EIF4G1: variants seen among roughly 807,000 people sequenced by gnomAD.
EIF4G1 encodes EIF4-gamma.
In EIF4G1, 4 loss-of-function variants were observed where a neutral mutation model predicts 187.8. That is an observed-to-expected ratio of 0.02 (90% CI 0.01 to 0.05). The LOEUF is 0.05. Among genes scored for constraint, EIF4G1 ranks in the 10% least tolerant of loss-of-function variants. EIF4G1 has a pLI of 1.00. For synonymous variants in EIF4G1, 844 were observed against 781.4 expected (o/e 1.08, Z -1.34); for missense variants, 1,647 against 2,081.1 (o/e 0.79, Z 4.06).
At position 184,325,834 on chromosome 3, in the gene EIF4G1, C is replaced by T. The variant is rs777798559; in HGVS notation, c.3122-17C>T. On this transcript the variant is annotated splice_polypyrimidine_tract_variant and intron_variant, in intron 20 of 32. Coordinates refer to ENST00000346169, the MANE Select transcript of EIF4G1 (RefSeq NM_198241.3). This position sits in a 1 kb window ranked among gnomAD's most constrained non-coding sequence, Gnocchi z 5.2. ...GGATTTATTCATTATTCCAGTATGC[C>T]CCTCTTTTTGTGTCAGGCCGTGGAC... 2.5e-6 allele frequency: 4 copies of T among 1,613,828 alleles called. No individual in the cohort carries two copies. Among genetic ancestry groups the T allele is most frequent in the African/African-American group, 1.3e-5 (1 of 74,846 alleles).
At position 184,321,726 on chromosome 3, in the gene EIF4G1, C is replaced by T. The variant is rs142095694; in HGVS notation, c.1142C>T (p.Ala381Val). Residue 381 changes from alanine (A) to valine (V), a missense_variant, in exon 10 of 33, where the codon GCT becomes GTT. By Grantham distance (64) the Ala-to-Val change is moderately conservative. Coordinates refer to ENST00000346169, the MANE Select transcript of EIF4G1 (RefSeq NM_198241.3). ...EPEVESSPEL[A>V]PPPACPSESP... ...GAGGTGGAGTCAAGCCCAGAGCTTG[C>T]TCCTCCCCCAGCTTGCCCCTCCGAA... 2 of 1,595,130 alleles carry T rather than the reference C, an allele frequency of 1.3e-6. No homozygotes were observed. Among genetic ancestry groups the T allele is most frequent in the Non-Finnish European group, 1.7e-6 (2 of 1,168,336 alleles).
rs761629753 is a variant in EIF4G1 at position 184,322,372 on chromosome 3, T to G, written c.1530T>G (p.Ser510=). ...TTTATTTTTAATTAGTGGCAGTATC[T>G]GTGCCAAAGAGGAGACGGAAAATTA... The part of the protein sequence containing the change: ...EAAAATQVAV[S]VPKRRRKIKE... Residue 510 remains serine (S), a synonymous_variant, in exon 11 of 33, where the codon TCT becomes TCG. Coordinates refer to ENST00000346169, the MANE Select transcript of EIF4G1 (RefSeq NM_198241.3). 6.2e-7 allele frequency: 1 copy of G among 1,614,064 alleles called. No individual in the cohort carries two copies. Among genetic ancestry groups the G allele is most frequent in the South Asian group, 1.1e-5 (1 of 91,072 alleles).
Position 184,323,768 on chromosome 3 carries a change from T to A in EIF4G1, c.2275-12T>A. The A allele has an allele frequency of 1.9e-6, 3 of 1,613,432 alleles. No homozygotes were observed. Among genetic ancestry groups the A allele is most frequent in the Non-Finnish European group, 2.5e-6 (3 of 1,180,034 alleles). ...AGACCCTCACTGGAACTCTTGTCTC[T>A]TCTCCCTCCAGGACCTATTCCGCAG... On this transcript the variant is annotated splice_polypyrimidine_tract_variant and intron_variant, in intron 15 of 32. Coordinates refer to ENST00000346169, the MANE Select transcript of EIF4G1 (RefSeq NM_198241.3). This position sits in a 1 kb window ranked among gnomAD's most constrained non-coding sequence, Gnocchi z 6.9.
chr3:184,328,764 C>T lies in EIF4G1; in HGVS notation c.4079+8C>T, dbSNP rs754442444. 5.0e-6 allele frequency: 8 copies of T among 1,614,062 alleles called. No homozygotes were observed. In the South Asian group the frequency reaches 8.8e-5, roughly 18 times the overall value. On this transcript the variant is annotated splice_region_variant and intron_variant, in intron 27 of 32. Transcript: ENST00000346169. ...CATGGGGGAGCTGTTCAGGTAAGTC[C>T]CCCTGGGTGGAATTCAGGGGAGGTA...
chr3:184,334,109 G>C lies in EIF4G1; in HGVS notation c.4619-618G>C, dbSNP rs1245792506. ...GGTCGGTTGTGTTTCAGGGGTTATA[G>C]GACACGTTGCTTGGGAAGGCTACCC... On this transcript the variant is annotated intron_variant, in intron 32 of 32. Coordinates refer to ENST00000346169, the MANE Select transcript of EIF4G1 (RefSeq NM_198241.3). This position sits in a 1 kb window ranked among gnomAD's most constrained non-coding sequence, Gnocchi z 5.8. Among the ~76,000 whole-genome samples, 1 of 152,190 alleles carries C rather than the reference G, an allele frequency of 6.6e-6. No individual in the cohort carries two copies. The highest frequency in any genetic ancestry group is 1.5e-5 in the Non-Finnish European group (1 of 68,038).
chr3:184,325,465 C>T lies in EIF4G1; in HGVS notation c.2962-15C>T, dbSNP rs77366606. On this transcript the variant is annotated splice_polypyrimidine_tract_variant and intron_variant, in intron 19 of 32. Coordinates refer to ENST00000346169, the MANE Select transcript of EIF4G1 (RefSeq NM_198241.3). This position sits in a 1 kb window ranked among gnomAD's most constrained non-coding sequence, Gnocchi z 5.2. ...CTTCCCTGACATCATCGTGACTGGC[C>T]CTCTGTCTCCACAGAGCAATTGGGT... 678 of 1,614,112 alleles carry T rather than the reference C, an allele frequency of 4.2e-4. 3 individuals carry two copies. The African/African-American group carries it at 8.5e-3, about 20-fold the overall frequency.
chr3:184,317,629 C>A, intron 5 of EIF4G1, 88 bp from the exon 6 acceptor site: 1 of 1,530,948 alleles, frequency 6.5e-7, no homozygotes, highest in Non-Finnish European at 9.0e-7. Context: ...GTTGGCTTGT[C>A]TTGTCTTGAC....
At chr3:184,330,655 AGTT>A (rs1725880084) in intron 28 of EIF4G1, among the ~76,000 whole-genome samples, 1 of 152,112 alleles carries the variant, frequency 6.6e-6, no homozygotes, top group Non-Finnish European at 1.5e-5. Flanking sequence ...ACTTGTTAGA[AGTT>A]GTCCCTTCCT....
chr3:184,320,980 C>T lies in EIF4G1; in HGVS notation c.684C>T (p.Val228=), dbSNP rs1723796210. Residue 228 remains valine (V), a synonymous_variant, in exon 9 of 33, where the codon GTC becomes GTT. Coordinates refer to ENST00000346169, the MANE Select transcript of EIF4G1 (RefSeq NM_198241.3). Reference sequence around the variant, plus strand: ...ATGGGGAGACGCCCCAGGTTGCTGTCATTGTCCGGCCAGGTAAGTAAGCCG... The same window carrying T: ...ATGGGGAGACGCCCCAGGTTGCTGTTATTGTCCGGCCAGGTAAGTAAGCCG... The part of the protein sequence containing the change: ...QANGETPQVA[V]IVRPDDRSQG... The T allele has an allele frequency of 6.2e-7, 1 of 1,613,942 alleles. No individual in the cohort carries two copies.
Position 184,331,582 on chromosome 3 carries a change from C to T in EIF4G1, c.4371C>T (p.Asn1457=), listed in dbSNP as rs759374419. The change falls in exon 30 of 33, where the codon AAC becomes AAT. Residue 1457 remains asparagine (N), a synonymous_variant. Transcript: ENST00000346169. ...LEKLLKEGSS[N]QRVFDWIEAN... is the part of the protein sequence containing the mutation. ...AGCTGCTGAAGGAGGGCAGCAGTAA[C>T]CAGCGGGTGTTCGACTGGATAGAGG... 8 of 1,612,102 alleles carry T rather than the reference C, an allele frequency of 5.0e-6. No individual in the cohort carries two copies. Among genetic ancestry groups the T allele is most frequent in the East Asian group, 4.5e-5 (2 of 44,734 alleles).
At chr3:184,329,381 C>G (rs559710255) in intron 28 of EIF4G1, among the ~76,000 whole-genome samples, 244 of 152,280 alleles carry the variant, frequency 1.6e-3, no homozygotes, top group African/African-American at 5.6e-3. Flanking sequence ...GCCTGTAATC[C>G]CAGCACTTTG....
chr3:184,325,682 C>G lies in EIF4G1; in HGVS notation c.3121+43C>G. The G allele has an allele frequency of 6.2e-7, 1 of 1,613,998 alleles. No homozygotes were observed. The highest frequency in any genetic ancestry group is 8.5e-7 in the Non-Finnish European group (1 of 1,179,996). Reference sequence around the variant, plus strand: ...ATTGAGAAGGGAGCAGTGAAGGGACCGGGAGGTTATACTTTCCTCTGATGA... The same window carrying G: ...ATTGAGAAGGGAGCAGTGAAGGGACGGGGAGGTTATACTTTCCTCTGATGA... On this transcript the variant is annotated intron_variant, in intron 20 of 32. Coordinates refer to ENST00000346169, the MANE Select transcript of EIF4G1 (RefSeq NM_198241.3). The surrounding 1 kb of genome is among the most constrained non-coding windows in gnomAD (Gnocchi z 5.2).
chr3:184,320,710 C>T lies in EIF4G1; in HGVS notation c.618C>T (p.Pro206=), dbSNP rs1250148302. 6.2e-7 allele frequency: 1 copy of T among 1,614,196 alleles called. No individual in the cohort carries two copies. ...CTGGGGCCCGCACTGCCTCCACACCCACCCCTCCCCAGGTACTGTCTGCTT... is the reference window on the plus strand; with the variant it reads ...CTGGGGCCCGCACTGCCTCCACACCTACCCCTCCCCAGGTACTGTCTGCTT... ...IMSGARTAST[P]TPPQTGGGLE... The change falls in exon 8 of 33, where the codon CCC becomes CCT. Residue 206 remains proline, a synonymous_variant. Transcript: ENST00000346169.
chr3:184,314,984 G>T (rs1054051617), intron 1 of EIF4G1, among the ~76,000 whole-genome samples: 2 of 151,236 alleles, frequency 1.3e-5, no homozygotes, highest in African/African-American at 4.9e-5. Context: ...GGCAGCCCAC[G>T]GGCGCAGGCA....
Position 184,331,252 on chromosome 3 carries a change from C to G in EIF4G1, c.4162-14C>G. On this transcript the variant is annotated splice_polypyrimidine_tract_variant and intron_variant, in intron 28 of 32. Transcript: ENST00000346169. ...GAGAGCTTTGGTAAGCTGGGTTGGTCTTGTGTTTTCCAGGGTCCTAAAAAG... is the reference window on the plus strand; with the variant it reads ...GAGAGCTTTGGTAAGCTGGGTTGGTGTTGTGTTTTCCAGGGTCCTAAAAAG... 1 of 1,613,998 alleles carries G rather than the reference C, an allele frequency of 6.2e-7. No homozygotes were observed. Among genetic ancestry groups the G allele is most frequent in the South Asian group, 1.1e-5 (1 of 91,040 alleles).
At chr3:184,324,045 T>C in intron 16 of EIF4G1, 68 bp downstream of exon 16, 3 of 1,608,598 alleles carry the variant, frequency 1.9e-6, no homozygotes, top group Non-Finnish European at 2.5e-6. Context: ...ACTCCTTGAG[T>C]CCAGCTTCTT....
At chr3:184,319,857 T>C in intron 7 of EIF4G1, 56 bp downstream of exon 7, 1 of 1,254,238 alleles carries the variant, frequency 8.0e-7, no homozygotes, top group Non-Finnish European at 1.1e-6. Context: ...CAAGGTCAGG[T>C]GCTGCTGGGA....
intron 3 of EIF4G1, 38 bp from the exon 4 acceptor site, chr3:184,316,094 G>A (rs764343701): frequency 1.9e-6 from 3 of 1,613,416 alleles, no homozygotes; most frequent in African/African-American, 2.7e-5. Flanking sequence ...CCCCACCTGG[G>A]CTTCCCCTCT....
intron 6 of EIF4G1, among the ~76,000 whole-genome samples, chr3:184,319,028 T>G (rs1324145690): frequency 6.6e-6 from 1 of 151,222 alleles, no homozygotes; most frequent in East Asian, 2.0e-4. Flanking sequence ...GAACCAAGAT[T>G]GTGCCACTGT....
Sources: allele counts gnomAD v4.1 joint callset (sites outside exome capture counted in the v4.1 genomes callset), GRCh38; gene constraint gnomAD v4.1.1; non-coding constraint Gnocchi (gnomAD v3.1); transcripts MANE v1.5; gene names NCBI Gene and HGNC (gene_info 2026-07-23, HGNC 2026-07-21).